The following GSE1 variants were observed in gnomAD, a reference collection of about 807,000 sequenced individuals.
GSE1 encodes Gse1 coiled-coil protein.
In GSE1, 32 loss-of-function variants were observed where a neutral mutation model predicts 112.6. The observed-to-expected ratio is 0.28, with a 90% CI of 0.21 to 0.38. The LOEUF is 0.38. Ranked by LOEUF, GSE1 falls within the 10% of genes least tolerant of loss-of-function variation. The pLI, the probability that GSE1 is intolerant of heterozygous loss-of-function variation, is 1.00. For synonymous variants in GSE1, 1,115 were observed against 735.6 expected (o/e 1.52, Z -8.35); for missense variants, 2,348 against 1,699.2 (o/e 1.38, Z -6.71).
chr16:85,386,524 T>C (rs1482291258), intron 2 of GSE1, among the ~76,000 whole-genome samples: 1 of 152,182 alleles, frequency 6.6e-6, no homozygotes, highest in African/African-American at 2.4e-5. Context: ...GCGGTGTCTG[T>C]GGTTATTGTC....
chr16:85,643,452 G>A (rs2151832999), intron 2 of GSE1, among the ~76,000 whole-genome samples: 1 of 152,314 alleles, frequency 6.6e-6, no homozygotes, highest in African/African-American at 2.4e-5. Context: ...CCCTGCCCCA[G>A]AGAAGCTCCC....
chr16:85,192,376 G>T (rs1276165651), intron 1 of GSE1, among the ~76,000 whole-genome samples: 1 of 152,360 alleles, frequency 6.6e-6, no homozygotes, highest in South Asian at 2.1e-4. Flanking sequence ...CTATTGGAAG[G>T]TTGTTTCAAA....
intron 1 of GSE1, among the ~76,000 whole-genome samples, chr16:85,339,510 A>G (rs2046578498): frequency 6.6e-6 from 1 of 151,874 alleles, no homozygotes; most frequent in Non-Finnish European, 1.5e-5. Flanking sequence ...ACTTCAGTCA[A>G]TTATTCCCTT....
Position 85,626,195 on chromosome 16 carries a change from C to T in GSE1, c.8-7719C>T, listed in dbSNP as rs186462744. ...CCCCATGTGTCTGGAGCAAGAAGAC[C>T]TCTCCCCAGGGTCTCCCCGCCCCCT... On this transcript the variant is annotated intron_variant, in intron 1 of 15. Transcript: ENST00000253458. Among the ~76,000 whole-genome samples the T allele has an allele frequency of 9.9e-4, 150 of 152,082 alleles. 1 individual carries two copies. Among genetic ancestry groups the T allele is most frequent in the African/African-American group, 3.5e-3 (146 of 41,486 alleles).
intron 1 of GSE1, among the ~76,000 whole-genome samples, chr16:85,196,001 G>A (rs1597774841): frequency 1.3e-5 from 2 of 152,132 alleles, no homozygotes; most frequent in East Asian, 3.8e-4. Context: ...CGACACCCCA[G>A]CGGAGTCGGG....
At chr16:85,325,248 C>T (rs973928167) in intron 1 of GSE1, among the ~76,000 whole-genome samples, 1 of 152,076 alleles carries the variant, frequency 6.6e-6, no homozygotes, top group Non-Finnish European at 1.5e-5. Context: ...GGATTATAGG[C>T]ATGAACCGCC....
At chr16:85,606,348 G>A (rs902880905) in intron 1 of GSE1, among the ~76,000 whole-genome samples, 1 of 152,224 alleles carries the variant, frequency 6.6e-6, no homozygotes, top group African/African-American at 2.4e-5. Context: ...CGCTGGGAAG[G>A]CAGGGCGGAC....
At chr16:85,448,906 C>A (rs2049588277) in intron 2 of GSE1, among the ~76,000 whole-genome samples, 1 of 152,218 alleles carries the variant, frequency 6.6e-6, no homozygotes, top group African/African-American at 2.4e-5. Flanking sequence ...GTCAGAAAGG[C>A]AATTTCTCAT....
intron 1 of GSE1, among the ~76,000 whole-genome samples, chr16:85,603,034 G>A (rs1188723599): frequency 1.3e-5 from 2 of 152,280 alleles, no homozygotes; most frequent in African/African-American, 4.8e-5. Context: ...CCAGCCGAGT[G>A]GCCAGGTGGC....
At chr16:85,659,826 C>T (rs117279475) in intron 8 of GSE1, among the ~76,000 whole-genome samples, 5 of 152,242 alleles carry the variant, frequency 3.3e-5, no homozygotes, top group African/African-American at 1.2e-4. Flanking sequence ...TCCCTTCTTT[C>T]CCTCCCTGCC....
At chr16:85,546,689 G>A (rs181764748) in intron 2 of GSE1, among the ~76,000 whole-genome samples, 15 of 152,342 alleles carry the variant, frequency 9.8e-5, no homozygotes, top group South Asian at 6.2e-4. Context: ...GCCTGGACGC[G>A]GCCAGTGATT....
At chr16:85,579,688 G>T (rs1468924765) in intron 1 of GSE1, among the ~76,000 whole-genome samples, 1 of 152,204 alleles carries the variant, frequency 6.6e-6, no homozygotes, top group Non-Finnish European at 1.5e-5. Flanking sequence ...GTCCTCCAAG[G>T]AGCCCCATCT....
chr16:85,410,461 GCC>G (rs538054603), intron 2 of GSE1, among the ~76,000 whole-genome samples: 2 of 9,388 alleles, frequency 2.1e-4, no homozygotes, highest in Non-Finnish European at 4.6e-4. Flanking sequence ...TACACTCAGG[GCC>G]CCCCTGGATA....
chr16:85,342,474 C>T (rs1483694135), intron 1 of GSE1, among the ~76,000 whole-genome samples: 2 of 152,160 alleles, frequency 1.3e-5, no homozygotes, highest in African/African-American at 2.4e-5. Context: ...GTGTCACGCT[C>T]ATCTGCGGTG....
At chr16:85,596,962 G>GTTTT (rs969456169) in intron 1 of GSE1, among the ~76,000 whole-genome samples, 1 of 150,558 alleles carries the variant, frequency 6.6e-6, no homozygotes, top group East Asian at 1.9e-4. Flanking sequence ...CTTTGTAGTT[G>GTTTT]TTTTTTTGTT....
chr16:85,393,497 A>C (rs779607509), intron 2 of GSE1, among the ~76,000 whole-genome samples: 13 of 152,160 alleles, frequency 8.5e-5, no homozygotes, highest in Non-Finnish European at 1.6e-4. Flanking sequence ...GGTGCCTAAT[A>C]AATGCCTCTC....
At chr16:85,374,257 C>T (rs1447042429) in intron 2 of GSE1, among the ~76,000 whole-genome samples, 2 of 150,518 alleles carry the variant, frequency 1.3e-5, no homozygotes, top group Admixed American at 6.6e-5. Context: ...GTGCGTGGTC[C>T]TCGGTGTGCA....
At chr16:85,555,462 G>C, upstream of GSE1, 1 of 984,762 alleles carries the variant, frequency 1.0e-6, no homozygotes, top group Non-Finnish European at 1.2e-6. Flanking sequence ...TTCTCCTGCC[G>C]GAGACTTGTT....
upstream of GSE1, chr16:85,613,205 G>A (rs2048110597): frequency 2.1e-6 from 3 of 1,457,054 alleles, no homozygotes; most frequent in Non-Finnish European, 9.0e-7. Context: ...GCGGCGTTGC[G>A]TTTGGGTGTG....
Sources: allele counts gnomAD v4.1 joint callset (sites outside exome capture counted in the v4.1 genomes callset), GRCh38; gene constraint gnomAD v4.1.1; transcripts MANE v1.5; gene names NCBI Gene and HGNC (gene_info 2026-07-23, HGNC 2026-07-21).